Variants in SPIC observed in about 807,000 individuals in gnomAD.
The protein encoded by SPIC is Spi-C transcription factor.
In SPIC, 9 loss-of-function variants were observed where a neutral mutation model predicts 16.7. That is an observed-to-expected ratio of 0.54 (90% CI 0.33 to 0.94). SPIC has a LOEUF of 0.94. Among genes scored for constraint, SPIC ranks in the 40% least tolerant of loss-of-function variants. The probability of loss-of-function intolerance (pLI) is 0.03; values close to 1 mark genes in which losing one functional copy is unlikely to be tolerated. For synonymous variants in SPIC, 97 were observed against 102.9 expected (o/e 0.94, Z 0.35); for missense variants, 241 against 285.8 (o/e 0.84, Z 1.13).
chr12:101,479,228 GA>G (rs1565831148), intron 3 of SPIC, among the ~76,000 whole-genome samples: 2 of 103,982 alleles, frequency 1.9e-5, no homozygotes, highest in Non-Finnish European at 4.0e-5. Flanking sequence ...AAGAAGGAAA[GA>G]AAGAAAGAAA....
chr12:101,483,441 G>A (rs1464900700), intron 5 of SPIC, among the ~76,000 whole-genome samples: 2 of 151,596 alleles, frequency 1.3e-5, no homozygotes, highest in African/African-American at 2.4e-5. Flanking sequence ...ACCTGCCTGA[G>A]GCTGATTCAC....
At chr12:101,478,588 T>C (rs980508554) in intron 3 of SPIC, among the ~76,000 whole-genome samples, 1 of 152,224 alleles carries the variant, frequency 6.6e-6, no homozygotes, top group Non-Finnish European at 1.5e-5. Context: ...TATATAATTA[T>C]CTGCTATTAG....
chr12:101,479,164 A>G (rs1305847595), intron 3 of SPIC, among the ~76,000 whole-genome samples: 4 of 130,248 alleles, frequency 3.1e-5, no homozygotes, highest in Non-Finnish European at 6.3e-5. Context: ...AAAAGAAAGA[A>G]AGAAAGAAAA....
intron 5 of SPIC, among the ~76,000 whole-genome samples, chr12:101,484,977 CAG>C (rs1873323991): frequency 6.6e-6 from 1 of 152,160 alleles, no homozygotes; most frequent in East Asian, 1.9e-4. Context: ...GAATGAGAGA[CAG>C]AGGAGTTTTG....
intron 3 of SPIC, among the ~76,000 whole-genome samples, chr12:101,479,136 TAA>T (rs1161273325): frequency 2.9e-5 from 2 of 69,918 alleles, no homozygotes; most frequent in Middle Eastern, 0.011. Context: ...GACCCTGTCT[TAA>T]AAAAAAAAAA....
Position 101,486,413 on chromosome 12 carries a change from T to G in SPIC, c.389T>G (p.Ile130Ser). ...SLYNPEMASCIQWVDKTKGIF... is the reference protein window; with the variant it reads ...SLYNPEMASCSQWVDKTKGIF... Reference sequence around the variant, plus strand: ...TATAATCCGGAGATGGCATCTTGTATTCAGTGGGTAGATAAAACCAAAGGC... The same window carrying G: ...TATAATCCGGAGATGGCATCTTGTAGTCAGTGGGTAGATAAAACCAAAGGC... Residue 130 changes from isoleucine (I) to serine (S), a missense_variant, in exon 6 of 6, where the codon ATT becomes AGT. Ile to Ser is a moderately radical substitution (Grantham distance 142, BLOSUM62 -2). Transcript: ENST00000551346. The G allele has an allele frequency of 6.2e-7, 1 of 1,614,164 alleles. No homozygotes were observed. The highest frequency in any genetic ancestry group is 1.6e-4 in the Middle Eastern group (1 of 6,062).
At chr12:101,485,905 C>G (rs1873350014) in intron 5 of SPIC, among the ~76,000 whole-genome samples, 1 of 152,176 alleles carries the variant, frequency 6.6e-6, no homozygotes, top group African/African-American at 2.4e-5. Context: ...AGGGAGAATC[C>G]TCAGGGGACT....
chr12:101,485,576 T>C (rs1565833118), intron 5 of SPIC, among the ~76,000 whole-genome samples: 1 of 152,208 alleles, frequency 6.6e-6, no homozygotes, highest in Non-Finnish European at 1.5e-5. Flanking sequence ...GAGTTAGCAC[T>C]TTTACCTAGG....
chr12:101,480,017 A>G (rs1490772808), intron 4 of SPIC, among the ~76,000 whole-genome samples: 1 of 152,002 alleles, frequency 6.6e-6, no homozygotes, highest in Non-Finnish European at 1.5e-5. Context: ...GGATTTCCAC[A>G]TATTGGCCAG....
chr12:101,480,866 G>A (rs1873165697), intron 4 of SPIC, among the ~76,000 whole-genome samples: 1 of 152,178 alleles, frequency 6.6e-6, no homozygotes, highest in African/African-American at 2.4e-5. Context: ...GGGTGCTTTG[G>A]TTCCAGCTTA....
At chr12:101,479,223 G>A (rs5800469) in intron 3 of SPIC, among the ~76,000 whole-genome samples, 8,394 of 39,818 alleles carry the variant, frequency 0.21, 509 homozygotes, top group South Asian at 0.32. Context: ...AAAGAAAGAA[G>A]GAAAGAAAGA....
intron 4 of SPIC, among the ~76,000 whole-genome samples, chr12:101,482,360 G>A (rs1400268540): frequency 2.6e-5 from 4 of 152,012 alleles, no homozygotes; most frequent in African/African-American, 7.2e-5. Flanking sequence ...ATGAGCCACC[G>A]TGCTCGGCCC....
At chr12:101,478,754 A>G (rs1381115820) in intron 3 of SPIC, among the ~76,000 whole-genome samples, 1 of 152,176 alleles carries the variant, frequency 6.6e-6, no homozygotes, top group Non-Finnish European at 1.5e-5. Context: ...TTCCTCACCC[A>G]TTATCCTATG....
At position 101,477,641 on chromosome 12, in the gene SPIC, G is replaced by A. The variant is rs771393623; in HGVS notation, c.87G>A (p.Gln29=). 10 of 1,612,718 alleles carry A rather than the reference G, an allele frequency of 6.2e-6. No homozygotes were observed. The highest frequency in any genetic ancestry group is 7.6e-6 in the Non-Finnish European group (9 of 1,179,792). ...GGCAACATTCAACTGGAGATCTTCA[G>A]TACTCGCCAGGTAAAGATGAGTCAT... ...VLRQHSTGDL[Q]YSPDYRNYLA... The change falls in exon 3 of 6, where the codon CAG becomes CAA. Residue 29 remains glutamine, a synonymous_variant. Coordinates refer to ENST00000551346, the MANE Select transcript of SPIC (RefSeq NM_152323.3).
At chr12:101,483,912 C>T (rs1873285648) in intron 5 of SPIC, among the ~76,000 whole-genome samples, 1 of 152,044 alleles carries the variant, frequency 6.6e-6, no homozygotes, top group Non-Finnish European at 1.5e-5. Context: ...AAATGTGATT[C>T]AGGCAGCCCC....
intron 5 of SPIC, 133 bp from the exon 6 acceptor site, chr12:101,486,211 G>T: frequency 1.3e-6 from 1 of 799,716 alleles, no homozygotes; most frequent in East Asian, 2.5e-5. Context: ...TCATGCATTC[G>T]TAAGGGCAGT....
rs149141348 is a variant in SPIC at position 101,483,920 on chromosome 12, C to T, written c.319+1020C>T. 5.9e-3 allele frequency among the ~76,000 whole-genome samples: 901 copies of T among 152,034 alleles called. 1 individual carries two copies. The highest frequency in any genetic ancestry group is 0.011 in the Admixed American group (166 of 15,264). ...TTTTTTTAAATGTGATTCAGGCAGC[C>T]CCCCCGAACCAAAATAGGTTCAGAG... On this transcript the variant is annotated intron_variant, in intron 5 of 5. Transcript: ENST00000551346.
At chr12:101,479,401 A>G (rs1252062329) in intron 3 of SPIC, among the ~76,000 whole-genome samples, 181 bp from the exon 4 acceptor site, 1 of 152,178 alleles carries the variant, frequency 6.6e-6, no homozygotes, top group African/African-American at 2.4e-5. Flanking sequence ...TCCAAATGGG[A>G]TATGTATAAC....
intron 4 of SPIC, among the ~76,000 whole-genome samples, chr12:101,481,805 T>C (rs1265234931): frequency 6.6e-6 from 1 of 151,188 alleles, no homozygotes; most frequent in African/African-American, 2.4e-5. Context: ...TGAGCCACTG[T>C]GCACCCAGCC....
Sources: gnomAD v4.1 joint callset for allele counts (sites outside exome capture counted in the v4.1 genomes callset) on GRCh38, gnomAD v4.1.1 for gene constraint, MANE v1.5 for transcripts, NCBI Gene and HGNC (gene_info 2026-07-23, HGNC 2026-07-21) for gene names.